Variants in FGF14 observed in about 807,000 individuals in gnomAD.
The protein encoded by FGF14 is fibroblast growth factor homologous factor 4.
FGF14 carries 5 observed loss-of-function variants against 25.5 expected under a neutral mutation model. That is an observed-to-expected ratio of 0.20 (90% CI 0.10 to 0.41). The LOEUF is 0.41. Among genes scored for constraint, FGF14 ranks in the 10% least tolerant of loss-of-function variants. FGF14 has a pLI of 1.00. For synonymous variants in FGF14, 138 were observed against 118.3 expected (o/e 1.17, Z -1.08); for missense variants, 222 against 320.1 (o/e 0.69, Z 2.34).
intron 1 of FGF14, among the ~76,000 whole-genome samples, chr13:102,121,002 C>T (rs1334190495): frequency 6.6e-6 from 1 of 152,306 alleles, no homozygotes; most frequent in Admixed American, 6.5e-5. Context: ...CCGCGCCCGG[C>T]CGAAAAGTGA....
intron 1 of FGF14, among the ~76,000 whole-genome samples, chr13:102,291,634 T>A (rs970081670): frequency 6.6e-6 from 1 of 152,126 alleles, no homozygotes; most frequent in Non-Finnish European, 1.5e-5. Flanking sequence ...AATACCATAC[T>A]GTGGGGTGTG....
At chr13:102,035,345 G>A (rs1271524905) in intron 1 of FGF14, among the ~76,000 whole-genome samples, 1 of 152,100 alleles carries the variant, frequency 6.6e-6, no homozygotes, top group Non-Finnish European at 1.5e-5. Context: ...TGAGTACAAA[G>A]AAGCCAGGTA....
intron 3 of FGF14, among the ~76,000 whole-genome samples, chr13:101,859,660 T>C (rs1322404448): frequency 6.6e-6 from 1 of 152,136 alleles, no homozygotes; most frequent in Non-Finnish European, 1.5e-5. Flanking sequence ...GTTTGATATT[T>C]GTTAAGTAGG....
chr13:102,337,422 C>A (rs1269887433), intron 1 of FGF14, among the ~76,000 whole-genome samples: 1 of 152,088 alleles, frequency 6.6e-6, no homozygotes, highest in Non-Finnish European at 1.5e-5. Context: ...AAAACTTGAA[C>A]AAATGAGAAA....
At chr13:101,891,727 CAT>C (rs1214123056) in intron 1 of FGF14, among the ~76,000 whole-genome samples, 2 of 151,976 alleles carry the variant, frequency 1.3e-5, no homozygotes, top group African/African-American at 4.8e-5. Flanking sequence ...TATACACACA[CAT>C]ATATAAATAT....
chr13:102,207,794 T>C (rs1014795000), intron 1 of FGF14, among the ~76,000 whole-genome samples: 11 of 152,132 alleles, frequency 7.2e-5, no homozygotes, highest in Admixed American at 2.0e-4. Context: ...ATTTTTCTAA[T>C]TACAATAGTT....
intron 1 of FGF14, among the ~76,000 whole-genome samples, chr13:102,331,137 G>A (rs1407864062): frequency 6.6e-6 from 1 of 152,136 alleles, no homozygotes; most frequent in East Asian, 1.9e-4. Flanking sequence ...TAAATAAAAT[G>A]TTATATATAA....
chr13:101,993,976 A>G (rs556596031), intron 1 of FGF14, among the ~76,000 whole-genome samples: 1 of 152,132 alleles, frequency 6.6e-6, no homozygotes, highest in African/African-American at 2.4e-5. Context: ...AAATATAAAT[A>G]TAGGTTGGCT....
At chr13:101,989,226 T>G (rs1350058599) in intron 1 of FGF14, among the ~76,000 whole-genome samples, 1 of 152,108 alleles carries the variant, frequency 6.6e-6, no homozygotes, top group African/African-American at 2.4e-5. Flanking sequence ...GGATATATTG[T>G]TATTTATAAA....
At chr13:102,021,033 T>C (rs985309758) in intron 1 of FGF14, among the ~76,000 whole-genome samples, 2 of 151,942 alleles carry the variant, frequency 1.3e-5, no homozygotes, top group Non-Finnish European at 2.9e-5. Context: ...GTTTTGGAAG[T>C]GCATAGTTTT....
intron 1 of FGF14, among the ~76,000 whole-genome samples, chr13:101,914,090 A>G (rs2033226211): frequency 6.6e-6 from 1 of 152,034 alleles, no homozygotes; most frequent in South Asian, 2.1e-4. Context: ...TATCTTTAAT[A>G]AATATGATTT....
rs145427780 is a variant in FGF14, at chr13:102,138,973, T to C, written c.208+262498A>G. ...CTGAGTACTGTGTACTTTTTATTTA[T>C]CACTATGCACATTTTAAAGCAAAAG... is the stretch of plus-strand genomic sequence containing the variant. On this transcript the variant is annotated intron_variant, in intron 1 of 4. Coordinates refer to the FGF14 transcript ENST00000376131. Among the ~76,000 whole-genome samples, 20 of 152,336 alleles carry C rather than the reference T, an allele frequency of 1.3e-4. No individual in the cohort carries two copies. The East Asian group carries it at 3.5e-3, about 26-fold the overall frequency.
intron 1 of FGF14, among the ~76,000 whole-genome samples, chr13:102,171,919 T>A (rs1253513400): frequency 6.6e-6 from 1 of 151,660 alleles, no homozygotes; most frequent in Non-Finnish European, 1.5e-5. Flanking sequence ...GTTCTGTATA[T>A]TTTTAAAGAC....
chr13:102,230,866 A>C (rs1417162953), intron 1 of FGF14, among the ~76,000 whole-genome samples: 1 of 152,228 alleles, frequency 6.6e-6, no homozygotes, highest in Admixed American at 6.5e-5. Flanking sequence ...TAGATGGATA[A>C]AGCCATATTT....
At chr13:102,352,275 A>G (rs2138984148) in intron 1 of FGF14, among the ~76,000 whole-genome samples, 1 of 149,692 alleles carries the variant, frequency 6.7e-6, no homozygotes, top group African/African-American at 2.5e-5. Flanking sequence ...ACACACACAC[A>G]CACACACACA....
chr13:102,402,048 G>GAAA (rs71840194), upstream of FGF14: 34 of 106,954 alleles, frequency 3.2e-4, no homozygotes, highest in African/African-American at 5.5e-4. Context: ...AGGAGAGAAG[G>GAAA]AAAAAAAAAA....
intron 3 of FGF14, among the ~76,000 whole-genome samples, chr13:101,771,999 T>C (rs1282722267): frequency 6.6e-6 from 1 of 152,054 alleles, no homozygotes; most frequent in Non-Finnish European, 1.5e-5. Flanking sequence ...ACATAAGTAA[T>C]ATATTCAAAT....
In FGF14 at chr13:102,376,539, T is replaced by G. The variant is rs567789870; in HGVS notation, c.208+24932A>C. On this transcript the variant is annotated intron_variant, in intron 1 of 4. Transcript: ENST00000376131. ...CAGACACTGATGATGTCATCATGGCTTTTATAGCCCAGGCCTCCTTTGTGA... is the reference window on the plus strand; with the variant it reads ...CAGACACTGATGATGTCATCATGGCGTTTATAGCCCAGGCCTCCTTTGTGA... Among the ~76,000 whole-genome samples the G allele has an allele frequency of 2.6e-5, 4 of 152,302 alleles. No individual in the cohort carries two copies. In the East Asian group the frequency reaches 7.7e-4, roughly 29 times the overall value.
intron 1 of FGF14, among the ~76,000 whole-genome samples, chr13:102,092,724 T>C (rs2044221175): frequency 6.6e-6 from 1 of 152,174 alleles, no homozygotes; most frequent in South Asian, 2.1e-4. Flanking sequence ...CATATTATAA[T>C]ACATAAATGC....
Sources: gnomAD v4.1 joint callset for allele counts (sites outside exome capture counted in the v4.1 genomes callset) on GRCh38, gnomAD v4.1.1 for gene constraint, MANE v1.5 for transcripts, NCBI Gene and HGNC (gene_info 2026-07-23, HGNC 2026-07-21) for gene names.